Variants in ZNF469 observed in about 807,000 individuals in gnomAD.
ZNF469 encodes the protein zinc finger protein 469.
In ZNF469, 1 loss-of-function variant was observed where a neutral mutation model predicts 1.0. The observed-to-expected ratio is 1.00, with a 90% CI of 0.35 to 4.73. ZNF469 has a LOEUF of 4.73. ZNF469 is among the 30% of genes most tolerant of loss of function. The probability of loss-of-function intolerance (pLI) is 0.16; values close to 1 mark genes in which losing one functional copy is unlikely to be tolerated. For synonymous variants in ZNF469, 2,703 were observed against 2,363.4 expected, an observed-to-expected ratio of 1.14 and a Z score of -4.17; for missense variants, 6,100 against 5,356.3, an observed-to-expected ratio of 1.14 and a Z score of -4.33.
At chr16:88,278,757 GCCA>G in the ZNF469 span, among the ~76,000 whole-genome samples, 1 of 135,262 alleles carries the variant, frequency 7.4e-6, no homozygotes, top group African/African-American at 2.5e-5. Context: ...TTAGTGCTGC[GCCA>G]CGCCGACACT....
At chr16:88,150,023 G>T in the ZNF469 span, among the ~76,000 whole-genome samples, 3 of 152,230 alleles carry the variant, frequency 2.0e-5, no homozygotes, top group Non-Finnish European at 4.4e-5. Flanking sequence ...AAAAACATTT[G>T]TTGGTTAGGA....
In ZNF469 at chr16:88,421,317, C is replaced by T. The variant is rs183752103; in HGVS notation, c.-191-3490C>T. On this transcript the variant is annotated intron_variant, in intron 1 of 2. Transcript: ENST00000565624. ...TATTTCTGAGAGAAAAGGAGCCGCT[C>T]GTGCTCCTCCGGGGTCTCCCTGGGG... Among the ~76,000 whole-genome samples, 53 of 152,328 alleles carry T rather than the reference C, an allele frequency of 3.5e-4. No individual in the cohort carries two copies. In the East Asian group the frequency reaches 9.3e-3, roughly 27 times the overall value.
the ZNF469 span, among the ~76,000 whole-genome samples, chr16:88,287,430 C>T: frequency 6.6e-6 from 1 of 152,232 alleles, no homozygotes; most frequent in African/African-American, 2.4e-5. Flanking sequence ...GCCCAGCCAC[C>T]TCCAAAAGGC....
At chr16:88,214,429 C>G in the ZNF469 span, among the ~76,000 whole-genome samples, 1 of 151,490 alleles carries the variant, frequency 6.6e-6, no homozygotes, top group Non-Finnish European at 1.5e-5. Flanking sequence ...AATGTCCCCA[C>G]TCTGATTGTA....
Position 88,432,378 on chromosome 16 carries a change from T to G in ZNF469, c.4908T>G (p.His1636Gln). 1 of 1,549,138 alleles carries G rather than the reference T, an allele frequency of 6.5e-7. No individual in the cohort carries two copies. ...DLTRVGESTA[H>Q]REGAESAVAT... is the part of the protein sequence containing the mutation. Reference sequence around the variant, plus strand: ...CGCGCGTTGGAGAATCCACTGCACATCGGGAGGGTGCGGAATCGGCTGTGG... The same window carrying G: ...CGCGCGTTGGAGAATCCACTGCACAGCGGGAGGGTGCGGAATCGGCTGTGG... The change falls in exon 3 of 3, where the codon CAT becomes CAG. Residue 1636 changes from histidine (H) to glutamine (Q), a missense_variant. Physicochemically the swap from His to Gln is conservative, Grantham distance 24. Transcript: ENST00000565624.
the ZNF469 span, among the ~76,000 whole-genome samples, chr16:88,318,854 A>G: frequency 2.6e-5 from 4 of 152,284 alleles, no homozygotes; most frequent in African/African-American, 9.6e-5. Flanking sequence ...CCAGACGGCC[A>G]TCATGCAAAC....
At chr16:88,159,386 C>T in the ZNF469 span, among the ~76,000 whole-genome samples, 3 of 152,120 alleles carry the variant, frequency 2.0e-5, no homozygotes, top group Non-Finnish European at 2.9e-5. Flanking sequence ...CCGTCTCTAC[C>T]GTGCCACGGC....
chr16:88,275,515 G>A, the ZNF469 span, among the ~76,000 whole-genome samples: 4 of 152,174 alleles, frequency 2.6e-5, no homozygotes, highest in East Asian at 1.9e-4. Context: ...CTTCCGGGGC[G>A]TTGATGGCGG....
chr16:88,437,979 C>T lies in ZNF469; in HGVS notation c.10509C>T (p.Gly3503=). 1 of 1,547,920 alleles carries T rather than the reference C, an allele frequency of 6.5e-7. No individual in the cohort carries two copies. Among genetic ancestry groups the T allele is most frequent in the East Asian group, 2.4e-5 (1 of 40,908 alleles). ...PRGSSPILSE[G]SLPALLHLCS... Reference sequence around the variant, plus strand: ...GAAGCAGCCCCATCCTGAGTGAGGGCTCTCTCCCGGCCCTGCTCCACCTGT... The same window carrying T: ...GAAGCAGCCCCATCCTGAGTGAGGGTTCTCTCCCGGCCCTGCTCCACCTGT... Residue 3503 remains glycine, a synonymous_variant, in exon 3 of 3, where the codon GGC becomes GGT. Coordinates refer to ENST00000565624, the MANE Select transcript of ZNF469 (RefSeq NM_001367624.2).
chr16:88,125,293 T>C, the ZNF469 span, among the ~76,000 whole-genome samples: 114 of 152,362 alleles, frequency 7.5e-4, no homozygotes, highest in Middle Eastern at 3.4e-3. Flanking sequence ...GTCTTCTAAA[T>C]TTGTTCTTTT....
the ZNF469 span, among the ~76,000 whole-genome samples, chr16:88,376,028 T>G: frequency 6.6e-6 from 1 of 152,278 alleles, no homozygotes; most frequent in Non-Finnish European, 1.5e-5. Flanking sequence ...TGGCCAGGTA[T>G]GGAAAAGAAA....
the ZNF469 span, among the ~76,000 whole-genome samples, chr16:88,377,329 C>T: frequency 1.3e-5 from 2 of 152,240 alleles, no homozygotes; most frequent in Non-Finnish European, 2.9e-5. Flanking sequence ...CCTCTGCCGA[C>T]CCATGGGCCC....
chr16:88,423,627 T>C (rs141432873), intron 1 of ZNF469, among the ~76,000 whole-genome samples: 203 of 152,296 alleles, frequency 1.3e-3, no homozygotes, highest in African/African-American at 4.6e-3. Context: ...CCTCACAAGG[T>C]TGCGGTCAGA....
the ZNF469 span, among the ~76,000 whole-genome samples, chr16:88,284,004 T>C: frequency 1.1e-3 from 73 of 64,816 alleles, no homozygotes; most frequent in African/African-American, 5.0e-3. Flanking sequence ...CCGAGGTCTG[T>C]GGAGGCTGGT....
In ZNF469 at chr16:88,430,584, G is replaced by C; in HGVS notation, c.3114G>C (p.Lys1038Asn). 1 of 1,500,908 alleles carries C rather than the reference G, an allele frequency of 6.7e-7. No homozygotes were observed. The highest frequency in any genetic ancestry group is 8.8e-7 in the Non-Finnish European group (1 of 1,131,920). The allele number at this position is 1,500,908 out of a possible 1,614,324, so 93.0% of individuals were successfully genotyped here. ...RRLPPRKDPR[K>N]RKARGGAWGK... ...TGCCCCCCAGGAAGGACCCCAGGAA[G>C]AGGAAGGCTCGGGGCGGCGCCTGGG... is the stretch of plus-strand genomic sequence containing the variant. Residue 1038 changes from lysine (K) to asparagine (N), a missense_variant, in exon 3 of 3, where the codon AAG becomes AAC. Lys to Asn is a moderately conservative substitution (Grantham distance 94). Transcript: ENST00000565624.
chr16:88,191,549 G>C, the ZNF469 span: 1 of 152,320 alleles, frequency 6.6e-6, no homozygotes, highest in Admixed American at 6.5e-5. Context: ...AGGGCTGAAG[G>C]GGATGAATGA....
the ZNF469 span, among the ~76,000 whole-genome samples, chr16:88,246,887 G>A: frequency 0.16 from 23,495 of 151,230 alleles, 1,853 homozygotes; most frequent in South Asian, 0.35. Context: ...GAATGAATGA[G>A]TGAGTGAATG....
the ZNF469 span, among the ~76,000 whole-genome samples, chr16:88,374,566 C>G: frequency 2.0e-5 from 3 of 152,226 alleles, no homozygotes; most frequent in Admixed American, 6.5e-5. Context: ...GGCTTCTGAG[C>G]AGGGGCATGA....
chr16:88,120,095 G>A, the ZNF469 span, among the ~76,000 whole-genome samples: 16 of 152,326 alleles, frequency 1.1e-4, no homozygotes, highest in African/African-American at 3.8e-4. Context: ...GTGTGCTGAG[G>A]CCAGGGTGGG....
Sources: allele counts gnomAD v4.1 joint callset (sites outside exome capture counted in the v4.1 genomes callset), GRCh38; gene constraint gnomAD v4.1.1; transcripts MANE v1.5; gene names NCBI Gene and HGNC (gene_info 2026-07-23, HGNC 2026-07-21).